The following TTYH1 variants were observed in gnomAD, a reference collection of about 807,000 sequenced individuals.
TTYH1 encodes protein tweety homolog 1.
In TTYH1, 33 loss-of-function variants were observed where a neutral mutation model predicts 61.2. That is an observed-to-expected ratio of 0.54 (90% CI 0.41 to 0.72). The LOEUF (loss-of-function observed/expected upper bound fraction) is 0.72, where lower values mean the gene tolerates loss of function less well. Among genes scored for constraint, TTYH1 ranks in the 30% least tolerant of loss-of-function variants. The probability of loss-of-function intolerance (pLI) is 0.00; values close to 1 mark genes in which losing one functional copy is unlikely to be tolerated. For synonymous variants in TTYH1, 308 were observed against 266.4 expected (o/e 1.16, Z -1.52); for missense variants, 538 against 575.8 (o/e 0.93, Z 0.67).
In TTYH1 at chr19:54,430,989, G is replaced by T; in HGVS notation, c.1032+84G>T. 4 of 1,543,206 alleles carry T rather than the reference G, an allele frequency of 2.6e-6. No homozygotes were observed. The South Asian group carries it at 4.5e-5, about 17-fold the overall frequency. On this transcript the variant is annotated intron_variant, in intron 9 of 13. Coordinates refer to ENST00000376530, the MANE Select transcript of TTYH1 (RefSeq NM_020659.4). ...GATGGAGCTGTGGGGCGTAGGCGGG[G>T]CTGCAGAGCTAGGCGGGGCCTTGGG...
rs961060261 is a variant in TTYH1 at position 54,420,484 on chromosome 19, G to A, written c.306-793G>A. Reference sequence around the variant, plus strand: ...GTCCGACCCGAGGGATGGGGGTGGAGGCCCAGCCGGGGCTGGGAACCGGGA... The same window carrying A: ...GTCCGACCCGAGGGATGGGGGTGGAAGCCCAGCCGGGGCTGGGAACCGGGA... On this transcript the variant is annotated intron_variant, in intron 2 of 13. Coordinates refer to ENST00000376530, the MANE Select transcript of TTYH1 (RefSeq NM_020659.4). The surrounding 1 kb of genome is among the most constrained non-coding windows in gnomAD (Gnocchi z 4.8). 2.0e-5 allele frequency among the ~76,000 whole-genome samples: 3 copies of A among 152,022 alleles called. No individual in the cohort carries two copies. The highest frequency in any genetic ancestry group is 4.4e-5 in the Non-Finnish European group (3 of 67,960).
chr19:54,427,294 A>AGCCTGGGCGACAGAGTGACAC (rs2083341129), intron 5 of TTYH1, among the ~76,000 whole-genome samples: 2 of 69,846 alleles, frequency 2.9e-5, no homozygotes, highest in African/African-American at 1.1e-4. Context: ...GTGACACTCC[A>AGCCTGGGCGACAGAGTGACAC]TCTCAAAAAA....
chr19:54,435,174 TGAA>T (rs1405385268), intron 10 of TTYH1: 3 of 219,624 alleles, frequency 1.4e-5, no homozygotes, highest in African/African-American at 6.9e-5. Context: ...CCTGGGTAGA[TGAA>T]GATGGAGGAG....
intron 4 of TTYH1, among the ~76,000 whole-genome samples, chr19:54,424,134 C>T (rs929486647): frequency 2.6e-5 from 4 of 151,562 alleles, no homozygotes; most frequent in African/African-American, 9.7e-5. Context: ...GCACTCCAGC[C>T]TGGGTGACGG....
chr19:54,417,183 T>C (rs2083099387), intron 1 of TTYH1, among the ~76,000 whole-genome samples: 1 of 151,786 alleles, frequency 6.6e-6, no homozygotes, highest in South Asian at 2.1e-4. Flanking sequence ...CACACTCACA[T>C]GCACACACAT....
rs2083550289 is a variant in TTYH1 at position 54,436,255 on chromosome 19, C to CGTGCCTCCT, written c.*43-76_*43-68dup. 6.2e-7 allele frequency: 1 copy of CGTGCCTCCT among 1,607,472 alleles called. No homozygotes were observed. The highest frequency in any genetic ancestry group is 2.2e-5 in the East Asian group (1 of 44,804). On this transcript the variant is annotated intron_variant, in intron 13 of 13. Coordinates refer to ENST00000376530, the MANE Select transcript of TTYH1 (RefSeq NM_020659.4). The surrounding 1 kb of genome is among the most constrained non-coding windows in gnomAD (Gnocchi z 4.3). ...TCCGAGCTGCTCCAGGCATGGGCTG[C>CGTGCCTCCT]GTGCCTCCTGCTGGGTGGATCGCAC...
chr19:54,419,467 G>A lies in TTYH1; in HGVS notation c.305+161G>A. 1 of 782,874 alleles carries A rather than the reference G, an allele frequency of 1.3e-6. No homozygotes were observed. Among genetic ancestry groups the A allele is most frequent in the East Asian group, 2.7e-5 (1 of 37,624 alleles). The allele number at this position is 782,874 out of a possible 1,614,324, so 48.5% of individuals were successfully genotyped here. ...ATTTGCAAGCCCACTTCAGCGCACAGCAGGAAGGACTGTCCCATTTGATGG... is the reference window on the plus strand; with the variant it reads ...ATTTGCAAGCCCACTTCAGCGCACAACAGGAAGGACTGTCCCATTTGATGG... On this transcript the variant is annotated intron_variant, in intron 2 of 13. Transcript: ENST00000376530. The surrounding 1 kb of genome is among the most constrained non-coding windows in gnomAD (Gnocchi z 6.1).
In TTYH1 at chr19:54,436,401, T is replaced by C; in HGVS notation, c.*111T>C. On this transcript the variant is annotated 3_prime_UTR_variant, in exon 14 of 14. Transcript: ENST00000376530. The surrounding 1 kb of genome is among the most constrained non-coding windows in gnomAD (Gnocchi z 4.3). ...CCTGGGCTCTGACCACTAACACTCT[T>C]GGCCATGGACAGCCTGCACAGGACC... is the stretch of plus-strand genomic sequence containing the variant. 6.2e-7 allele frequency: 1 copy of C among 1,613,292 alleles called. No individual in the cohort carries two copies. The highest frequency in any genetic ancestry group is 8.5e-7 in the Non-Finnish European group (1 of 1,179,356).
rs1167922976 is a variant in TTYH1, at chr19:54,419,031, A to G, written c.127-97A>G. ...AGGGATGTCTCCCACCTTCACTCTG[A>G]CATCCCAGACCCCGACCCCCCAGCC... On this transcript the variant is annotated intron_variant, in intron 1 of 13. Transcript: ENST00000376530. The surrounding 1 kb of genome is among the most constrained non-coding windows in gnomAD (Gnocchi z 6.1). The G allele has an allele frequency of 8.0e-7, 1 of 1,253,912 alleles. No homozygotes were observed. The highest frequency in any genetic ancestry group is 1.1e-6 in the Non-Finnish European group (1 of 901,500). 77.7% of individuals were successfully genotyped at this position (1,253,912 alleles called of 1,614,324 possible).
intron 5 of TTYH1, among the ~76,000 whole-genome samples, chr19:54,428,621 A>G (rs965513141): frequency 6.6e-6 from 1 of 152,138 alleles, no homozygotes; most frequent in Admixed American, 6.6e-5. Flanking sequence ...CTGGGATTTG[A>G]ACCAGACAGG....
Position 54,426,879 on chromosome 19 carries a change from T to C in TTYH1, c.734+111T>C, listed in dbSNP as rs147892132. On this transcript the variant is annotated intron_variant, in intron 5 of 13. Coordinates refer to ENST00000376530, the MANE Select transcript of TTYH1 (RefSeq NM_020659.4). ...AGGACCGTGGTCCTTCACGGCCGGG[T>C]ACACACGAAGAAAAGAGAGTCAGAG... 5,599 of 944,762 alleles carry C rather than the reference T, an allele frequency of 5.9e-3. 203 individuals are homozygous for C. In the African/African-American group the frequency reaches 0.08, roughly 13 times the overall value. The allele number at this position is 944,762 out of a possible 1,614,324, so 58.5% of individuals were successfully genotyped here. A position where few individuals can be genotyped will look rare whatever the true frequency, so the allele number is the denominator to read the frequency against.
At position 54,421,226 on chromosome 19, in the gene TTYH1, C is replaced by T. The variant is rs1440546383; in HGVS notation, c.306-51C>T. ...GGATGGGGTGGGAGGGGACGGTGGC[C>T]CCCGGGGTCCTGGGACCCGCTGAGA... is the stretch of plus-strand genomic sequence containing the variant. On this transcript the variant is annotated intron_variant, in intron 2 of 13. Coordinates refer to ENST00000376530, the MANE Select transcript of TTYH1 (RefSeq NM_020659.4). The surrounding 1 kb of genome is among the most constrained non-coding windows in gnomAD (Gnocchi z 4.8). The T allele has an allele frequency of 1.6e-6, 2 of 1,279,730 alleles. No homozygotes were observed. Among genetic ancestry groups the T allele is most frequent in the South Asian group, 2.4e-5 (2 of 84,104 alleles). The allele number at this position is 1,279,730 out of a possible 1,614,324, so 79.3% of individuals were successfully genotyped here. A position where few individuals can be genotyped will look rare whatever the true frequency, so the allele number is the denominator to read the frequency against.
At chr19:54,430,739 G>A (rs1188532112) in intron 8 of TTYH1, 74 bp from the exon 9 acceptor site, 2 of 1,583,728 alleles carry the variant, frequency 1.3e-6, no homozygotes, top group Non-Finnish European at 1.7e-6. Context: ...CCCGAGTGCT[G>A]TGTCCGGAGG....
rs1216801749 is a variant in TTYH1, at chr19:54,416,786, C to T, written c.126+1108C>T. 3.9e-6 allele frequency: 5 copies of T among 1,293,948 alleles called. No homozygotes were observed. In the East Asian group the frequency reaches 1.7e-4, roughly 43 times the overall value. 80.2% of individuals were successfully genotyped at this position (1,293,948 alleles called of 1,614,324 possible). On this transcript the variant is annotated intron_variant, in intron 1 of 13. Coordinates refer to ENST00000376530, the MANE Select transcript of TTYH1 (RefSeq NM_020659.4). This position sits in a 1 kb window ranked among gnomAD's most constrained non-coding sequence, Gnocchi z 7.0. ...ACGGGGACCGCCGTCCCCTCGCCCA[C>T]AGCCTCGCGGTTACACAACGGCCAC...
In TTYH1 at chr19:54,422,102, C is replaced by A. The variant is rs1365718288; in HGVS notation, c.418-88C>A. The A allele has an allele frequency of 9.4e-6, 10 of 1,068,346 alleles. No individual in the cohort carries two copies. In the Admixed American group the frequency reaches 9.8e-5, roughly 10 times the overall value. 66.2% of individuals were successfully genotyped at this position (1,068,346 alleles called of 1,614,324 possible). On this transcript the variant is annotated intron_variant, in intron 3 of 13. Coordinates refer to ENST00000376530, the MANE Select transcript of TTYH1 (RefSeq NM_020659.4). ...GATCTCAGACACCCGCTACTATGCA[C>A]CCCTCCTTCACTTCTAAAACCCCAT...
chr19:54,430,967 G>A, intron 9 of TTYH1, 62 bp downstream of exon 9: 2 of 1,576,524 alleles, frequency 1.3e-6, no homozygotes, highest in Non-Finnish European at 1.7e-6. Context: ...GGGGCGGGAT[G>A]GAGCTGTGGG....
intron 4 of TTYH1, chr19:54,426,384 T>G: frequency 2.2e-6 from 1 of 461,896 alleles, no homozygotes; most frequent in Non-Finnish European, 3.9e-6. Context: ...AGAGAACACA[T>G]CACGTGTCCC....
In TTYH1 at chr19:54,420,398, C is replaced by T. The variant is rs1044582155; in HGVS notation, c.306-879C>T. On this transcript the variant is annotated intron_variant, in intron 2 of 13. Transcript: ENST00000376530. The surrounding 1 kb of genome is among the most constrained non-coding windows in gnomAD (Gnocchi z 4.8). ...GGGGGAGAGACACGGCCCCAGCCCCCGCAGCCTGGGAACAAGAGGAGCTTT... is the reference window on the plus strand; with the variant it reads ...GGGGGAGAGACACGGCCCCAGCCCCTGCAGCCTGGGAACAAGAGGAGCTTT... 6.6e-6 allele frequency among the ~76,000 whole-genome samples: 1 copy of T among 152,142 alleles called. No individual in the cohort carries two copies. Among genetic ancestry groups the T allele is most frequent in the Non-Finnish European group, 1.5e-5 (1 of 68,020 alleles).
In TTYH1 at chr19:54,419,152, G is replaced by A. The variant is rs1295569060; in HGVS notation, c.151G>A (p.Ala51Thr). 3.7e-6 allele frequency: 6 copies of A among 1,612,568 alleles called. No homozygotes were observed. Among genetic ancestry groups the A allele is most frequent in the Non-Finnish European group, 5.1e-6 (6 of 1,179,504 alleles). The change falls in exon 2 of 14, where the codon GCG becomes ACG. Residue 51 changes from alanine to threonine, a missense_variant. Ala to Thr is a moderately conservative substitution (Grantham distance 58). Coordinates refer to ENST00000376530, the MANE Select transcript of TTYH1 (RefSeq NM_020659.4). The surrounding 1 kb of genome is among the most constrained non-coding windows in gnomAD (Gnocchi z 6.1). ...QQALLLVAAL[A>T]GLGLGLSLIF... ...GGCCTTGTTGCTGGTGGCGGCCTTG[G>A]CGGGCCTGGGCTTGGGCCTGAGCCT...
Sources: allele counts gnomAD v4.1 joint callset (sites outside exome capture counted in the v4.1 genomes callset), GRCh38; gene constraint gnomAD v4.1.1; non-coding constraint Gnocchi (gnomAD v3.1); transcripts MANE v1.5; gene names NCBI Gene and HGNC (gene_info 2026-07-23, HGNC 2026-07-21).